The following CHL1 variants were observed in gnomAD, a reference collection of about 807,000 sequenced individuals.
CHL1 encodes the protein cell adhesion molecule L1 like.
CHL1 carries 96 observed loss-of-function variants against 141.9 expected under a neutral mutation model. The observed-to-expected ratio is 0.68, with a 90% CI of 0.57 to 0.80. The LOEUF (loss-of-function observed/expected upper bound fraction) is 0.80, where lower values mean the gene tolerates loss of function less well. Ranked by LOEUF, CHL1 falls within the 30% of genes least tolerant of loss-of-function variation. The pLI, the probability that CHL1 is intolerant of heterozygous loss-of-function variation, is 0.00. For synonymous variants in CHL1, 613 were observed against 502.2 expected (o/e 1.22, Z -2.95); for missense variants, 1,820 against 1,457.2 (o/e 1.25, Z -4.05).
intron 2 of CHL1, among the ~76,000 whole-genome samples, chr3:294,940 T>C (rs1165463209): frequency 6.6e-6 from 1 of 152,238 alleles, no homozygotes; most frequent in Non-Finnish European, 1.5e-5. Context: ...TATAATGCTG[T>C]TCTAAGATAG....
intron 2 of CHL1, among the ~76,000 whole-genome samples, chr3:266,652 A>T: frequency 6.6e-6 from 1 of 152,170 alleles, no homozygotes; most frequent in East Asian, 1.9e-4. Context: ...TCAAAGGGTT[A>T]AAGTTGAAAT....
chr3:316,754 A>G (rs1700181599), intron 2 of CHL1, among the ~76,000 whole-genome samples: 1 of 151,944 alleles, frequency 6.6e-6, no homozygotes, highest in African/African-American at 2.4e-5. Flanking sequence ...CATCTCATGT[A>G]CCCTATAAAT....
intron 2 of CHL1, among the ~76,000 whole-genome samples, chr3:311,489 T>C (rs868862641): frequency 1.1e-4 from 16 of 152,190 alleles, no homozygotes; most frequent in Middle Eastern, 3.4e-3. Flanking sequence ...AGGTCGTTTA[T>C]TATCCACGGC....
At chr3:301,879 T>A (rs1698769758) in intron 2 of CHL1, among the ~76,000 whole-genome samples, 1 of 152,204 alleles carries the variant, frequency 6.6e-6, no homozygotes, top group Non-Finnish European at 1.5e-5. Context: ...TAGCTATTTC[T>A]CCTAATGGTA....
chr3:343,560 C>T (rs138974991), intron 8 of CHL1, among the ~76,000 whole-genome samples: 3,963 of 152,300 alleles, frequency 0.026, 69 homozygotes, highest in Middle Eastern at 0.071. Context: ...CATAGAACGT[C>T]TACCAGAACT....
chr3:285,208 T>C (rs1209886465), intron 2 of CHL1, among the ~76,000 whole-genome samples: 1 of 152,216 alleles, frequency 6.6e-6, no homozygotes, highest in Non-Finnish European at 1.5e-5. Flanking sequence ...GTCAAACATC[T>C]TGATGAGATA....
intron 9 of CHL1, among the ~76,000 whole-genome samples, chr3:349,050 GC>G (rs1703007417): frequency 6.6e-6 from 1 of 152,200 alleles, no homozygotes; most frequent in African/African-American, 2.4e-5. Flanking sequence ...ATGAGCTCCA[GC>G]TATTTTTCCT....
Position 351,804 on chromosome 3 carries a change from T to A in CHL1, c.1033+2261T>A, listed in dbSNP as rs542045275. 7.9e-5 allele frequency among the ~76,000 whole-genome samples: 12 copies of A among 152,266 alleles called. No individual in the cohort carries two copies. The South Asian group carries it at 2.5e-3, about 32-fold the overall frequency. ...CAACATCCTAAATATAAAATCAGAC[T>A]GCACTTCAAATCCTATAATATGTAT... On this transcript the variant is annotated intron_variant, in intron 10 of 27. Transcript: ENST00000256509.
At chr3:325,310 T>C (rs1018367748) in intron 3 of CHL1, among the ~76,000 whole-genome samples, 1 of 152,052 alleles carries the variant, frequency 6.6e-6, no homozygotes, top group African/African-American at 2.4e-5. Context: ...TATTTGTGTA[T>C]ATATTCTGTG....
chr3:362,243 G>A (rs887577724), intron 13 of CHL1, among the ~76,000 whole-genome samples: 4 of 152,080 alleles, frequency 2.6e-5, no homozygotes, highest in Non-Finnish European at 4.4e-5. Flanking sequence ...TAATTTCAAT[G>A]AATTAATTGG....
At chr3:265,803 G>A (rs770281554) in intron 2 of CHL1, among the ~76,000 whole-genome samples, 9 of 152,204 alleles carry the variant, frequency 5.9e-5, no homozygotes, top group Non-Finnish European at 1.2e-4. Context: ...GTGGAATGGA[G>A]AGTGAGGTAG....
chr3:369,494 T>C (rs963922755), intron 15 of CHL1, among the ~76,000 whole-genome samples: 7 of 152,234 alleles, frequency 4.6e-5, no homozygotes, highest in African/African-American at 1.4e-4. Flanking sequence ...TCAAGGAGTT[T>C]TGGGGCTTAG....
chr3:344,866 G>C (rs939684527), intron 9 of CHL1, among the ~76,000 whole-genome samples, 157 bp downstream of exon 9: 1 of 152,164 alleles, frequency 6.6e-6, no homozygotes, highest in African/African-American at 2.4e-5. Context: ...GCTCAGGACT[G>C]TTATTCCAGG....
intron 3 of CHL1, among the ~76,000 whole-genome samples, chr3:325,285 C>A (rs1700916955): frequency 6.6e-6 from 1 of 151,688 alleles, no homozygotes; most frequent in African/African-American, 2.4e-5. Context: ...ATATAGAGAA[C>A]CACTCTATTT....
intron 1 of CHL1, among the ~76,000 whole-genome samples, chr3:212,811 T>C (rs1295161947): frequency 6.6e-6 from 1 of 152,226 alleles, no homozygotes. Flanking sequence ...TGTCTTTTCT[T>C]CTTAAAACAA....
chr3:303,272 C>T (rs1575008171), intron 2 of CHL1, among the ~76,000 whole-genome samples: 1 of 151,772 alleles, frequency 6.6e-6, no homozygotes, highest in African/African-American at 2.4e-5. Context: ...TTTTCCAATT[C>T]TGTGAAGAAA....
chr3:401,766 A>G (rs1709157295), intron 27 of CHL1, 68 bp downstream of exon 27: 2 of 911,290 alleles, frequency 2.2e-6, no homozygotes, highest in African/African-American at 3.4e-5. Context: ...GTGAACAAAA[A>G]GGTGTTTATT....
intron 5 of CHL1, among the ~76,000 whole-genome samples, chr3:334,077 C>T (rs560663259): frequency 6.6e-6 from 1 of 152,302 alleles, no homozygotes; most frequent in African/African-American, 2.4e-5. Flanking sequence ...CCACCTAAAC[C>T]TACCCAGTAG....
chr3:376,779 A>C (rs947154473), intron 15 of CHL1, among the ~76,000 whole-genome samples: 2 of 152,202 alleles, frequency 1.3e-5, no homozygotes, highest in African/African-American at 4.8e-5. Context: ...TGACATGTTA[A>C]TTCATGTCAA....
Sources: gnomAD v4.1 joint callset for allele counts (sites outside exome capture counted in the v4.1 genomes callset) on GRCh38, gnomAD v4.1.1 for gene constraint, MANE v1.5 for transcripts, NCBI Gene and HGNC (gene_info 2026-07-23, HGNC 2026-07-21) for gene names.